SLC25A26: variants seen among roughly 807,000 people sequenced by gnomAD.
SLC25A26 encodes mitochondrial S-adenosylmethionine carrier protein.
Under a neutral mutation model 37.8 loss-of-function variants are expected in SLC25A26, and 36 were observed. The observed-to-expected ratio is 0.95, with a 90% CI of 0.73 to 1.26. The LOEUF (loss-of-function observed/expected upper bound fraction) is 1.26, where lower values mean the gene tolerates loss of function less well. Among genes scored for constraint, SLC25A26 ranks in the 50% most tolerant of loss-of-function variants. The pLI, the probability that SLC25A26 is intolerant of heterozygous loss-of-function variation, is 0.00. For synonymous variants in SLC25A26, 129 were observed against 122.5 expected, an observed-to-expected ratio of 1.05 and a Z score of -0.35; for missense variants, 390 against 331.1, an observed-to-expected ratio of 1.18 and a Z score of -1.38.
chr3:66,137,414 G>A (rs1380770776), intron 1 of SLC25A26, among the ~76,000 whole-genome samples: 1 of 151,910 alleles, frequency 6.6e-6, no homozygotes, highest in East Asian at 1.9e-4. Flanking sequence ...TTTTAGTAGA[G>A]ACAGGGTTTC....
intron 6 of SLC25A26, among the ~76,000 whole-genome samples, chr3:66,349,889 T>C (rs2076410785): frequency 1.3e-5 from 2 of 152,234 alleles, no homozygotes; most frequent in African/African-American, 2.4e-5. Context: ...TTAAATTTTT[T>C]TTCCAGCCAT....
chr3:66,256,302 A>G (rs1309477245), intron 3 of SLC25A26, among the ~76,000 whole-genome samples: 2 of 152,090 alleles, frequency 1.3e-5, no homozygotes, highest in Non-Finnish European at 2.9e-5. Context: ...TTGTGGATTT[A>G]TTGCTACTAA....
At chr3:66,252,398 A>G (rs1024891082) in intron 3 of SLC25A26, among the ~76,000 whole-genome samples, 1 of 152,182 alleles carries the variant, frequency 6.6e-6, no homozygotes, top group African/African-American at 2.4e-5. Flanking sequence ...ATAACTAGGG[A>G]GTATTTGAGG....
At chr3:66,170,786 TTATTG>T (rs2070483961) in intron 1 of SLC25A26, among the ~76,000 whole-genome samples, 2 of 142,078 alleles carry the variant, frequency 1.4e-5, no homozygotes, top group Non-Finnish European at 3.0e-5. Flanking sequence ...ATAGATGTGA[TTATTG>T]TTTTTTTTTT....
chr3:66,319,482 A>T (rs917043248), intron 5 of SLC25A26, among the ~76,000 whole-genome samples: 2 of 152,148 alleles, frequency 1.3e-5, no homozygotes, highest in Non-Finnish European at 2.9e-5. Context: ...ACAAAATTAG[A>T]TAATTTACCT....
At chr3:66,173,466 G>C (rs1236331228) in intron 1 of SLC25A26, among the ~76,000 whole-genome samples, 1 of 152,152 alleles carries the variant, frequency 6.6e-6, no homozygotes, top group Non-Finnish European at 1.5e-5. Flanking sequence ...GTGCCATCCA[G>C]GTTCATAAGC....
At chr3:66,213,543 G>GC (rs1354705475) in intron 1 of SLC25A26, among the ~76,000 whole-genome samples, 2 of 150,612 alleles carry the variant, frequency 1.3e-5, no homozygotes, top group South Asian at 2.1e-4. Flanking sequence ...TATATCCTCT[G>GC]CCCCCATACA....
intron 5 of SLC25A26, among the ~76,000 whole-genome samples, chr3:66,292,263 T>G (rs769537376): frequency 6.6e-6 from 1 of 152,166 alleles, no homozygotes; most frequent in African/African-American, 2.4e-5. Flanking sequence ...AGTGTGCCAT[T>G]CTGTGTCTTT....
At chr3:66,288,464 C>A (rs532396894) in intron 5 of SLC25A26, among the ~76,000 whole-genome samples, 17 of 152,084 alleles carry the variant, frequency 1.1e-4, no homozygotes, top group Middle Eastern at 3.2e-3. Context: ...CTGATGCTAT[C>A]CCTCCTGTAG....
At chr3:66,309,799 T>G (rs1169969401) in intron 5 of SLC25A26, among the ~76,000 whole-genome samples, 1 of 152,170 alleles carries the variant, frequency 6.6e-6, no homozygotes, top group African/African-American at 2.4e-5. Context: ...TTCCGTGTAG[T>G]TGCGTGGTTT....
intron 5 of SLC25A26, among the ~76,000 whole-genome samples, chr3:66,279,140 G>A (rs2074253386): frequency 6.6e-6 from 1 of 151,920 alleles, no homozygotes; most frequent in Admixed American, 6.6e-5. Flanking sequence ...GTTTCTAATT[G>A]CCTTTTCTGT....
chr3:66,322,380 T>A (rs1047036903), intron 5 of SLC25A26, among the ~76,000 whole-genome samples: 8 of 152,232 alleles, frequency 5.3e-5, no homozygotes, highest in African/African-American at 1.9e-4. Flanking sequence ...TATTTTCTAG[T>A]TTATGGGATA....
At chr3:66,149,254 G>C (rs1376764828) in intron 1 of SLC25A26, among the ~76,000 whole-genome samples, 3 of 152,112 alleles carry the variant, frequency 2.0e-5, no homozygotes, top group African/African-American at 7.2e-5. Flanking sequence ...TCAGGAGCTG[G>C]AGTTAGGCAG....
intron 1 of SLC25A26, among the ~76,000 whole-genome samples, chr3:66,145,413 C>T (rs1302609114): frequency 6.6e-6 from 1 of 152,130 alleles, no homozygotes. Context: ...AAATTTATTG[C>T]ATTTGTGGAA....
intron 1 of SLC25A26, among the ~76,000 whole-genome samples, chr3:66,157,759 C>T (rs979683101): frequency 6.6e-6 from 1 of 152,168 alleles, no homozygotes; most frequent in African/African-American, 2.4e-5. Flanking sequence ...ATGCCACATG[C>T]ATATCTGGTA....
At chr3:66,312,965 C>G (rs2075425866) in intron 5 of SLC25A26, among the ~76,000 whole-genome samples, 1 of 151,978 alleles carries the variant, frequency 6.6e-6, no homozygotes, top group African/African-American at 2.4e-5. Context: ...CCAGATCCCC[C>G]TGTTTGTTTG....
intron 5 of SLC25A26, among the ~76,000 whole-genome samples, chr3:66,288,226 C>G (rs989061004): frequency 6.6e-6 from 1 of 152,144 alleles, no homozygotes; most frequent in Non-Finnish European, 1.5e-5. Context: ...GAGTGAATCC[C>G]TGTCTCTGAA....
At chr3:66,299,913 C>A (rs2075023197) in intron 5 of SLC25A26, among the ~76,000 whole-genome samples, 1 of 152,098 alleles carries the variant, frequency 6.6e-6, no homozygotes, top group African/African-American at 2.4e-5. Flanking sequence ...TTGGCTATCT[C>A]TGGGCAAAAA....
chr3:66,265,760 T>G (rs1342769385), intron 5 of SLC25A26, among the ~76,000 whole-genome samples: 1 of 152,186 alleles, frequency 6.6e-6, no homozygotes, highest in Non-Finnish European at 1.5e-5. Flanking sequence ...TGTTTCAAAA[T>G]TAGTTAATTG....
Sources: gnomAD v4.1 joint callset for allele counts (sites outside exome capture counted in the v4.1 genomes callset) on GRCh38, gnomAD v4.1.1 for gene constraint, MANE v1.5 for transcripts, NCBI Gene and HGNC (gene_info 2026-07-23, HGNC 2026-07-21) for gene names.